The following FBXL20 variants were observed in gnomAD, a reference collection of about 807,000 sequenced individuals.
FBXL20 encodes the protein F-box/LRR-repeat protein 20.
A neutral mutation model predicts 64.0 loss-of-function variants in FBXL20; 11 were observed. The observed-to-expected ratio is 0.17, with a 90% CI of 0.11 to 0.28. The LOEUF (loss-of-function observed/expected upper bound fraction) is 0.28, where lower values mean the gene tolerates loss of function less well. Among genes scored for constraint, FBXL20 ranks in the 10% least tolerant of loss-of-function variants. The pLI, the probability that FBXL20 is intolerant of heterozygous loss-of-function variation, is 1.00. For missense variants in FBXL20, 303 were observed against 526.2 expected (o/e 0.58, Z 4.15); for synonymous variants, 184 against 189.0 (o/e 0.97, Z 0.22).
At chr17:39,290,118 T>C (rs1453223477) in intron 6 of FBXL20, among the ~76,000 whole-genome samples, 1 of 151,960 alleles carries the variant, frequency 6.6e-6, no homozygotes, top group Non-Finnish European at 1.5e-5. Flanking sequence ...TAATTTTCAG[T>C]GTATATGATG....
chr17:39,315,434 T>C (rs2047277607), intron 2 of FBXL20, among the ~76,000 whole-genome samples: 1 of 145,130 alleles, frequency 6.9e-6, no homozygotes, highest in South Asian at 2.1e-4. Context: ...TTAAAACATA[T>C]ATAGGTACAC....
chr17:39,390,700 C>G (rs555694767), intron 1 of FBXL20, among the ~76,000 whole-genome samples: 1 of 152,132 alleles, frequency 6.6e-6, no homozygotes, highest in Non-Finnish European at 1.5e-5. Context: ...GCATTCCAAC[C>G]TGGGTGATAG....
intron 10 of FBXL20, among the ~76,000 whole-genome samples, chr17:39,272,634 G>A (rs775677404): frequency 2.0e-5 from 3 of 149,394 alleles, no homozygotes; most frequent in Non-Finnish European, 4.4e-5. Flanking sequence ...CCTGGGAGGA[G>A]GAGGTTACAG....
chr17:39,288,853 G>T (rs1254221932), intron 6 of FBXL20, among the ~76,000 whole-genome samples: 1 of 151,974 alleles, frequency 6.6e-6, no homozygotes, highest in Non-Finnish European at 1.5e-5. Context: ...GGAGGCACGT[G>T]CCGCCACACT....
chr17:39,263,986 C>T (rs2046770339), intron 14 of FBXL20, 189 bp downstream of exon 14: 1 of 586,888 alleles, frequency 1.7e-6, no homozygotes, highest in Non-Finnish European at 2.9e-6. Context: ...TCTTTTCCTA[C>T]TAAATTTCCA....
chr17:39,321,382 G>A (rs2047354417), intron 2 of FBXL20, among the ~76,000 whole-genome samples: 1 of 150,610 alleles, frequency 6.6e-6, no homozygotes, highest in Admixed American at 6.7e-5. Flanking sequence ...GAACCTGGGA[G>A]TTGAACCCAG....
At chr17:39,369,140 T>C (rs2047890063) in intron 1 of FBXL20, among the ~76,000 whole-genome samples, 2 of 152,038 alleles carry the variant, frequency 1.3e-5, no homozygotes, top group Non-Finnish European at 2.9e-5. Context: ...TACTATGCAA[T>C]AGTTTTAGAA....
intron 14 of FBXL20, among the ~76,000 whole-genome samples, chr17:39,262,286 T>C (rs944980168): frequency 2.0e-5 from 3 of 151,898 alleles, no homozygotes; most frequent in African/African-American, 4.8e-5. Flanking sequence ...TTTTTAGAGG[T>C]TGGTATTTTT....
chr17:39,300,051 C>T (rs981701546), intron 4 of FBXL20, among the ~76,000 whole-genome samples: 4 of 148,506 alleles, frequency 2.7e-5, no homozygotes, highest in African/African-American at 7.5e-5. Context: ...GAGCTGAGAC[C>T]GCACCACTGC....
intron 1 of FBXL20, among the ~76,000 whole-genome samples, chr17:39,389,575 CTG>C (rs2048116176): frequency 6.6e-6 from 1 of 152,028 alleles, no homozygotes; most frequent in Admixed American, 6.6e-5. Context: ...TCCCAGCACT[CTG>C]TGAGGCTGAT....
At chr17:39,319,074 C>T (rs1426431047) in intron 2 of FBXL20, among the ~76,000 whole-genome samples, 2 of 151,778 alleles carry the variant, frequency 1.3e-5, no homozygotes, top group African/African-American at 4.8e-5. Flanking sequence ...CATGGTGAAA[C>T]CCCGTCTCTA....
At position 39,398,040 on chromosome 17, in the gene FBXL20, CGGGGGGGGGG is replaced by C. The variant is rs56842905; in HGVS notation, c.42+3311_42+3320del. ...CCCAGCACTTTGGGAGGCCGGCGGG[CGGGGGGGGGG>C]GGGGGGTTGGATCACGAGGTCAGGA... On this transcript the variant is annotated intron_variant, in intron 1 of 14. Transcript: ENST00000264658. Among the ~76,000 whole-genome samples, 6 of 56,680 alleles carry C rather than the reference CGGGGGGGGGG, an allele frequency of 1.1e-4. 1 individual carries two copies. Among genetic ancestry groups the C allele is most frequent in the South Asian group, 2.7e-3 (2 of 730 alleles). The allele number at this position is 56,680 out of a possible 152,430, so 37.2% of individuals were successfully genotyped here. A position where few individuals can be genotyped will look rare whatever the true frequency, so the allele number is the denominator to read the frequency against.
chr17:39,312,788 G>A (rs2047247604), intron 2 of FBXL20, among the ~76,000 whole-genome samples: 1 of 150,304 alleles, frequency 6.7e-6, no homozygotes, highest in Non-Finnish European at 1.5e-5. Context: ...GTGTTAGCCA[G>A]GATGGTCTCC....
rs1254009065 is a variant in FBXL20 at position 39,257,834 on chromosome 17, G to A, written c.*3626C>T. 1 of 152,814 alleles carries A rather than the reference G, an allele frequency of 6.5e-6. No homozygotes were observed. The highest frequency in any genetic ancestry group is 1.5e-5 in the Non-Finnish European group (1 of 68,072). 9.5% of individuals were successfully genotyped at this position (152,814 alleles called of 1,614,324 possible). Reference sequence around the variant, plus strand: ...GATGGAGGCTTTAAATAGAGGGAAAGGATGGGTGTGGGAAGGAAATGGTGG... The same window carrying A: ...GATGGAGGCTTTAAATAGAGGGAAAAGATGGGTGTGGGAAGGAAATGGTGG... On this transcript the variant is annotated 3_prime_UTR_variant, in exon 15 of 15. Coordinates refer to ENST00000264658, the MANE Select transcript of FBXL20 (RefSeq NM_032875.3).
chr17:39,375,640 A>AC (rs1311614729), intron 1 of FBXL20, among the ~76,000 whole-genome samples: 2 of 152,198 alleles, frequency 1.3e-5, no homozygotes, highest in Non-Finnish European at 2.9e-5. Flanking sequence ...ACTTATATGT[A>AC]CCCCACAAAT....
intron 1 of FBXL20, among the ~76,000 whole-genome samples, chr17:39,365,618 C>T (rs35269184): frequency 6.9e-6 from 1 of 145,912 alleles, no homozygotes; most frequent in African/African-American, 2.7e-5. Flanking sequence ...ATGTCCACTA[C>T]CAATTCACTG....
chr17:39,278,735 G>A (rs2046922182), intron 9 of FBXL20, among the ~76,000 whole-genome samples: 1 of 24 alleles, frequency 0.042, no homozygotes, highest in Non-Finnish European at 0.062. Context: ...TTTTAGTGGA[G>A]ATGGGTTTCA....
chr17:39,282,389 C>A (rs1314343378), intron 8 of FBXL20, among the ~76,000 whole-genome samples: 1 of 152,080 alleles, frequency 6.6e-6, no homozygotes. Flanking sequence ...GCCTTCTTTG[C>A]CTATCCAGTT....
At chr17:39,297,309 T>A (rs189536531) in intron 5 of FBXL20, 114 bp from the exon 6 acceptor site, 13 of 559,516 alleles carry the variant, frequency 2.3e-5, no homozygotes, top group African/African-American at 2.1e-4. Flanking sequence ...TCTGTGATAC[T>A]GTGATATAAA....
Sources: allele counts gnomAD v4.1 joint callset (sites outside exome capture counted in the v4.1 genomes callset), GRCh38; gene constraint gnomAD v4.1.1; transcripts MANE v1.5; gene names NCBI Gene and HGNC (gene_info 2026-07-23, HGNC 2026-07-21).